The following TSFM variants were observed in gnomAD, a reference collection of about 807,000 sequenced individuals.
TSFM encodes the protein Ts translation elongation factor, mitochondrial, also known as elongation factor Ts, mitochondrial.
A neutral mutation model predicts 33.4 loss-of-function variants in TSFM; 29 were observed. That is an observed-to-expected ratio of 0.87 (90% CI 0.65 to 1.18). TSFM has a LOEUF of 1.18. Among genes scored for constraint, TSFM ranks in the 50% most tolerant of loss-of-function variants. TSFM has a pLI of 0.00. For synonymous variants in TSFM, 178 were observed against 163.5 expected, an observed-to-expected ratio of 1.09 and a Z score of -0.68; for missense variants, 394 against 395.6, an observed-to-expected ratio of 1.00 and a Z score of 0.04.
Position 57,796,996 on chromosome 12 carries a change from A to G in TSFM, c.*413A>G, listed in dbSNP as rs780521077. Reference sequence around the variant, plus strand: ...TCCCTAGTTATATTACTTGTGCCACATGGATTTCTTTAGGATTATTGATTC... The same window carrying G: ...TCCCTAGTTATATTACTTGTGCCACGTGGATTTCTTTAGGATTATTGATTC... On this transcript the variant is annotated 3_prime_UTR_variant, in exon 6 of 6. Transcript: ENST00000652027. The G allele has an allele frequency of 3.0e-6, 3 of 986,194 alleles. No homozygotes were observed. The highest frequency in any genetic ancestry group is 3.6e-6 in the Non-Finnish European group (3 of 830,570). The allele number at this position is 986,194 out of a possible 1,614,324, so 61.1% of individuals were successfully genotyped here. A position where few individuals can be genotyped will look rare whatever the true frequency, so the allele number is the denominator to read the frequency against.
intron 5 of TSFM, among the ~76,000 whole-genome samples, chr12:57,794,105 A>G (rs1401851276): frequency 6.6e-6 from 1 of 152,208 alleles, no homozygotes; most frequent in Non-Finnish European, 1.5e-5. Flanking sequence ...GTCATCTTGT[A>G]TTATCTATGA....
intron 2 of TSFM, among the ~76,000 whole-genome samples, chr12:57,785,552 A>C (rs551412571): frequency 6.6e-6 from 1 of 152,024 alleles, no homozygotes; most frequent in South Asian, 2.1e-4. Flanking sequence ...GTTCACTGCA[A>C]CCTCCGCCTC....
At chr12:57,787,917 GA>G (rs951400198) in intron 4 of TSFM, among the ~76,000 whole-genome samples, 28 of 141,444 alleles carry the variant, frequency 2.0e-4, no homozygotes, top group Middle Eastern at 3.6e-3. Context: ...CTCCGTCTCA[GA>G]AAAAAAAAAA....
At chr12:57,802,646 TTAAAAA>T (rs1407539358), downstream of TSFM, 1 of 667,922 alleles carries the variant, frequency 1.5e-6, no homozygotes, top group African/African-American at 1.8e-5. Context: ...TCTAAGCACC[TTAAAAA>T]TAACACCTTC....
At chr12:57,802,372 A>T (rs368156538), downstream of TSFM, 164 of 1,588,142 alleles carry the variant, frequency 1.0e-4, no homozygotes, top group East Asian at 4.5e-4. Context: ...GATTTAATAT[A>T]TGTTACTGTG....
At chr12:57,789,412 G>A (rs1335845363) in intron 4 of TSFM, among the ~76,000 whole-genome samples, 4 of 151,952 alleles carry the variant, frequency 2.6e-5, no homozygotes, top group Non-Finnish European at 5.9e-5. Flanking sequence ...TCTTTGAGAC[G>A]GAGTGCAGTG....
Position 57,786,335 on chromosome 12 carries a change from G to C in TSFM, c.360+44G>C. On this transcript the variant is annotated intron_variant, in intron 3 of 5. Transcript: ENST00000652027. ...CAGATACCAAGAACAGCTGTCCCTT[G>C]GGTGTAAAGCTTGTAGTAGGCCCTA... The C allele has an allele frequency of 4.4e-6, 7 of 1,593,224 alleles. 1 individual carries two copies. In the South Asian group the frequency reaches 6.8e-5, roughly 16 times the overall value.
Position 57,782,826 on chromosome 12 carries a change from G to T in TSFM, c.25G>T (p.Val9Leu), listed in dbSNP as rs532541467. 5.0e-6 allele frequency: 8 copies of T among 1,596,144 alleles called. No individual in the cohort carries two copies. Among genetic ancestry groups the T allele is most frequent in the Admixed American group, 3.5e-5 (2 of 57,428 alleles). Residue 9 changes from valine (V) to leucine (L), a missense_variant, in exon 1 of 6, where the codon GTG becomes TTG. Around this residue, in one of 3 missense-constraint regions of TSFM, gnomAD observed 208 missense variants for 180.4 expected, o/e 1.15. Transcript: ENST00000652027. MSLLRSLR[V>L]FLVARTGSYP... is the part of the protein sequence containing the mutation. ...GATGTCGCTGCTGCGGTCGCTGCGC[G>T]TGTTTCTGGTCGCGCGGACCGGGAG...
chr12:57,794,391 G>C (rs1955703216), intron 5 of TSFM, among the ~76,000 whole-genome samples: 1 of 152,182 alleles, frequency 6.6e-6, no homozygotes, highest in African/African-American at 2.4e-5. Context: ...ACTTCTGTTA[G>C]AAGAGAATAA....
intron 1 of TSFM, 63 bp downstream of exon 1, chr12:57,782,921 T>G (rs1242415186): frequency 2.6e-6 from 4 of 1,525,822 alleles, no homozygotes; most frequent in Non-Finnish European, 3.5e-6. Flanking sequence ...CGCCTGTACC[T>G]TTCCCTTCCT....
At chr12:57,797,923 A>G, downstream of TSFM, 1 of 1,612,548 alleles carries the variant, frequency 6.2e-7, no homozygotes, top group Non-Finnish European at 8.5e-7. Flanking sequence ...AGCTGTTTCC[A>G]GCCAGGCAGA....
chr12:57,794,615 T>C (rs1472060953), intron 5 of TSFM, among the ~76,000 whole-genome samples: 1 of 152,234 alleles, frequency 6.6e-6, no homozygotes, highest in Non-Finnish European at 1.5e-5. Flanking sequence ...AAAAAGCACC[T>C]AATTGCTTTG....
downstream of TSFM, chr12:57,800,275 T>G: frequency 5.1e-6 from 1 of 194,986 alleles, no homozygotes; most frequent in Non-Finnish European, 1.1e-5. Flanking sequence ...GACTTTAGGT[T>G]GTAGTCCTAC....
downstream of TSFM, chr12:57,802,717 G>A: frequency 1.6e-6 from 1 of 606,672 alleles, no homozygotes; most frequent in Non-Finnish European, 2.9e-6. Flanking sequence ...TTTGATAGGT[G>A]GTATCTATCT....
intron 2 of TSFM, chr12:57,783,501 T>G: frequency 1.4e-6 from 1 of 710,570 alleles, no homozygotes; most frequent in Admixed American, 2.1e-5. Context: ...GTTACGGTGT[T>G]TCTTGTTGCC....
At chr12:57,790,955 C>G (rs936555875) in intron 4 of TSFM, among the ~76,000 whole-genome samples, 1 of 150,508 alleles carries the variant, frequency 6.6e-6, no homozygotes, top group Non-Finnish European at 1.5e-5. Flanking sequence ...ATCTGCCTGA[C>G]TTGGCCTCCT....
intron 2 of TSFM, among the ~76,000 whole-genome samples, chr12:57,784,890 A>C (rs1955568815): frequency 1.3e-5 from 2 of 151,532 alleles, no homozygotes; most frequent in Non-Finnish European, 2.9e-5. Context: ...CAAAAAAAAA[A>C]ACAACAACTT....
chr12:57,786,276 A>C lies in TSFM; in HGVS notation c.345A>C (p.Thr115=), dbSNP rs1955590186. The change falls in exon 3 of 6, where the codon ACA becomes ACC. Residue 115 remains threonine, a synonymous_variant. Transcript: ENST00000652027. ...TTGGGCTGTTGCAGGAAGGAAACACAACTGTATTAGTAGAGGTGAGTTGTT... is the reference window on the plus strand; with the variant it reads ...TTGGGCTGTTGCAGGAAGGAAACACCACTGTATTAGTAGAGGTGAGTTGTT... The part of the protein sequence containing the change: ...GLIGLLQEGN[T]TVLVEVNCET... 3 of 1,612,060 alleles carry C rather than the reference A, an allele frequency of 1.9e-6. No homozygotes were observed. The highest frequency in any genetic ancestry group is 2.5e-6 in the Non-Finnish European group (3 of 1,178,960).
intron 4 of TSFM, among the ~76,000 whole-genome samples, chr12:57,788,162 A>G (rs1474155836): frequency 6.6e-6 from 1 of 152,176 alleles, no homozygotes; most frequent in Non-Finnish European, 1.5e-5. Flanking sequence ...TTACATAGTC[A>G]TATGGAAAAC....
Sources: allele counts gnomAD v4.1 joint callset (sites outside exome capture counted in the v4.1 genomes callset), GRCh38; gene constraint gnomAD v4.1.1; regional missense constraint gnomAD v4.1.1; transcripts MANE v1.5; gene names NCBI Gene and HGNC (gene_info 2026-07-23, HGNC 2026-07-21).